Variants in GLE1 observed in about 807,000 individuals in gnomAD.
The protein encoded by GLE1 is mRNA export factor GLE1.
In GLE1, 78 loss-of-function variants were observed where a neutral mutation model predicts 97.3. The ratio of observed to expected loss-of-function variants is 0.80; its 90% CI spans 0.67 to 0.97. The LOEUF is 0.97. GLE1 is among the 50% of genes least tolerant of loss of function. GLE1 has a pLI of 0.00. For synonymous variants in GLE1, 302 were observed against 313.4 expected (o/e 0.96, Z 0.39); for missense variants, 753 against 857.5 (o/e 0.88, Z 1.52).
In GLE1 at chr9:128,510,572, A is replaced by C. The variant is rs575821306; in HGVS notation, c.321+1475A>C. Among the ~76,000 whole-genome samples the C allele has an allele frequency of 4.6e-5, 6 of 131,124 alleles. No individual in the cohort carries two copies. In the East Asian group the frequency reaches 1.1e-3, roughly 25 times the overall value. The allele number at this position is 131,124 out of a possible 152,430, so 86.0% of individuals were successfully genotyped here. A position where few individuals can be genotyped will look rare whatever the true frequency, so the allele number is the denominator to read the frequency against. ...AAGATGGAGTCTAGCTCTGTCACCC[A>C]GGCTGGAGTACAGTGGCATGGTCTC... On this transcript the variant is annotated intron_variant, in intron 2 of 15. Transcript: ENST00000309971.
rs1231462536 is a variant in GLE1 at position 128,505,486 on chromosome 9, A to G, written c.99+582A>G. Among the ~76,000 whole-genome samples, 3 of 152,216 alleles carry G rather than the reference A, an allele frequency of 2.0e-5. 1 individual carries two copies. In the East Asian group the frequency reaches 5.8e-4, roughly 29 times the overall value. On this transcript the variant is annotated intron_variant, in intron 1 of 15. Coordinates refer to ENST00000309971, the MANE Select transcript of GLE1 (RefSeq NM_001003722.2). ...CCTGCATCCTCAGACTTCTTGGGAA[A>G]CAATCCTAAAGTATTTCCCTGTCTT...
intron 11 of GLE1, among the ~76,000 whole-genome samples, chr9:128,534,761 C>T (rs1402693500): frequency 6.6e-6 from 1 of 151,878 alleles, no homozygotes; most frequent in East Asian, 1.9e-4. Context: ...CTTTGTCACC[C>T]AGGCTGGAGT....
chr9:128,511,567 G>A (rs984394224), intron 2 of GLE1, among the ~76,000 whole-genome samples: 5 of 151,336 alleles, frequency 3.3e-5, no homozygotes, highest in African/African-American at 7.3e-5. Context: ...AAAATTAGGC[G>A]AGTTGGCGGG....
chr9:128,523,842 C>T lies in GLE1; in HGVS notation c.893C>T (p.Ser298Leu), dbSNP rs778007199. Reference sequence around the variant, plus strand: ...ATCTCAGGGATCATCCGGGCCTCTTCAGAGGTGAGGGGGGCTTCAGAGTGA... The same window carrying T: ...ATCTCAGGGATCATCCGGGCCTCTTTAGAGGTGAGGGGGGCTTCAGAGTGA... ...SLISGIIRAS[S>L]ESSYPTAESQ... Residue 298 changes from serine to leucine, a missense_variant, in exon 6 of 16, where the codon TCA (serine) becomes TTA (leucine). Physicochemically the swap from Ser to Leu is moderately radical, Grantham distance 145. Transcript: ENST00000309971. The T allele has an allele frequency of 1.2e-6, 2 of 1,613,906 alleles. No homozygotes were observed. The highest frequency in any genetic ancestry group is 2.2e-5 in the South Asian group (2 of 91,064).
chr9:128,518,188 G>A (rs866100914), intron 3 of GLE1, among the ~76,000 whole-genome samples: 2 of 151,046 alleles, frequency 1.3e-5, no homozygotes, highest in Non-Finnish European at 2.9e-5. Context: ...TGTTAGTCAC[G>A]GTAGTCATAA....
chr9:128,524,711 G>A (rs965970424), intron 6 of GLE1, among the ~76,000 whole-genome samples: 9 of 151,486 alleles, frequency 5.9e-5, no homozygotes, highest in Admixed American at 5.3e-4. Context: ...AGCCAACATG[G>A]TGAAACCCAG....
chr9:128,523,800 A>G lies in GLE1; in HGVS notation c.851A>G (p.Asn284Ser), dbSNP rs1216526369. 4 of 1,613,858 alleles carry G rather than the reference A, an allele frequency of 2.5e-6. No homozygotes were observed. The highest frequency in any genetic ancestry group is 1.1e-5 in the South Asian group (1 of 91,078). The change falls in exon 6 of 16, where the codon AAC becomes AGC. Residue 284 changes from asparagine to serine, a missense_variant. Transcript: ENST00000309971. The part of the protein sequence containing the change: ...VDLAAFQTRG[N>S]QLCSLISGII... ...CTGGCTGCCTTCCAGACCCGAGGCA[A>G]CCAGCTGTGCAGCCTCATCTCAGGG... is the stretch of plus-strand genomic sequence containing the variant.
At position 128,525,233 on chromosome 9, in the gene GLE1, A is replaced by T; in HGVS notation, c.939A>T (p.Arg313=). 2.5e-6 allele frequency: 4 copies of T among 1,614,104 alleles called. No individual in the cohort carries two copies. The highest frequency in any genetic ancestry group is 2.5e-6 in the Non-Finnish European group (3 of 1,179,976). Residue 313 remains arginine, a synonymous_variant, in exon 7 of 16, where the codon CGA becomes CGT. Transcript: ENST00000309971. ...PTAESQAEAE[R]ALREMRDLLM... Reference sequence around the variant, plus strand: ...CAGAGAGTCAAGCTGAGGCTGAGCGAGCTCTGCGGGAAATGCGGGACCTCC... The same window carrying T: ...CAGAGAGTCAAGCTGAGGCTGAGCGTGCTCTGCGGGAAATGCGGGACCTCC...
chr9:128,527,685 T>A (rs1352346127), intron 9 of GLE1, among the ~76,000 whole-genome samples, 160 bp downstream of exon 9: 1 of 152,116 alleles, frequency 6.6e-6, no homozygotes, highest in Non-Finnish European at 1.5e-5. Context: ...TTCCCTGATA[T>A]AATCATGGCT....
intron 2 of GLE1, among the ~76,000 whole-genome samples, chr9:128,510,212 C>G (rs1268805776): frequency 6.6e-6 from 1 of 151,622 alleles, no homozygotes; most frequent in Non-Finnish European, 1.5e-5. Flanking sequence ...TGGACACCAC[C>G]ATACTTGGCT....
At chr9:128,533,370 C>T (rs929302381) in intron 9 of GLE1, 143 bp from the exon 10 acceptor site, 2 of 634,086 alleles carry the variant, frequency 3.2e-6, no homozygotes, top group Non-Finnish European at 5.2e-6. Flanking sequence ...ACGGAGGTTG[C>T]AGTGAGCCAA....
At chr9:128,531,052 TA>T (rs1371166239) in intron 9 of GLE1, among the ~76,000 whole-genome samples, 4 of 149,750 alleles carry the variant, frequency 2.7e-5, no homozygotes, top group African/African-American at 4.9e-5. Flanking sequence ...CTGTGTCTAC[TA>T]AAAATACAAA....
chr9:128,541,257 C>A lies in GLE1; in HGVS notation c.*87C>A. On this transcript the variant is annotated 3_prime_UTR_variant, in exon 16 of 16. Coordinates refer to ENST00000309971, the MANE Select transcript of GLE1 (RefSeq NM_001003722.2). ...CAGCTGTATTTGGGAGAAGTCATGT[C>A]AGATTCAGAAATTTGCCATTATGTA... 1 of 837,900 alleles carries A rather than the reference C, an allele frequency of 1.2e-6. No homozygotes were observed. The highest frequency in any genetic ancestry group is 1.3e-5 in the South Asian group (1 of 75,350). 51.9% of individuals were successfully genotyped at this position (837,900 alleles called of 1,614,324 possible). A position where few individuals can be genotyped will look rare whatever the true frequency, so the allele number is the denominator to read the frequency against.
intron 9 of GLE1, among the ~76,000 whole-genome samples, chr9:128,531,234 AAG>A (rs1298711768): frequency 6.6e-6 from 1 of 150,886 alleles, no homozygotes; most frequent in Admixed American, 6.6e-5. Flanking sequence ...AAAAAAAAAA[AAG>A]GTGGATGTCA....
chr9:128,521,898 T>C (rs1260948227), intron 3 of GLE1, among the ~76,000 whole-genome samples: 1 of 152,210 alleles, frequency 6.6e-6, no homozygotes, highest in African/African-American at 2.4e-5. Flanking sequence ...GTGAGTACTC[T>C]CATGAAATGA....
At chr9:128,540,159 T>A in intron 14 of GLE1, 116 bp from the exon 15 acceptor site, 2 of 769,246 alleles carry the variant, frequency 2.6e-6, no homozygotes, top group South Asian at 2.8e-5. Flanking sequence ...AAGGCCTCGG[T>A]GAGCTATGAT....
intron 2 of GLE1, among the ~76,000 whole-genome samples, chr9:128,512,432 T>C (rs545480513): frequency 6.6e-6 from 1 of 152,316 alleles, no homozygotes; most frequent in South Asian, 2.1e-4. Flanking sequence ...GACATTACTA[T>C]TGGGGGAGAC....
intron 13 of GLE1, 152 bp downstream of exon 13, chr9:128,538,242 C>A: frequency 1.5e-6 from 1 of 681,466 alleles, no homozygotes; most frequent in Admixed American, 2.1e-5. Flanking sequence ...AAGCTGTAGA[C>A]CAACCTTGCT....
Position 128,508,970 on chromosome 9 carries a change from C to A in GLE1, c.194C>A (p.Pro65His). 1 of 1,611,334 alleles carries A rather than the reference C, an allele frequency of 6.2e-7. No individual in the cohort carries two copies. The highest frequency in any genetic ancestry group is 2.2e-5 in the East Asian group (1 of 44,858). Residue 65 changes from proline (P) to histidine (H), a missense_variant, in exon 2 of 16, where the codon CCT becomes CAT. Physicochemically the swap from Pro to His is moderately conservative, Grantham distance 77. Coordinates refer to ENST00000309971, the MANE Select transcript of GLE1 (RefSeq NM_001003722.2). ...HVLPHMQENQ[P>H]LSETSPSSTS... Reference sequence around the variant, plus strand: ...CTACCCCATATGCAGGAGAACCAACCTCTGTCTGAGACTTCGCCATCCTCT... The same window carrying A: ...CTACCCCATATGCAGGAGAACCAACATCTGTCTGAGACTTCGCCATCCTCT...
Sources: gnomAD v4.1 joint callset for allele counts (sites outside exome capture counted in the v4.1 genomes callset) on GRCh38, gnomAD v4.1.1 for gene constraint, MANE v1.5 for transcripts, NCBI Gene and HGNC (gene_info 2026-07-23, HGNC 2026-07-21) for gene names.